The following FAM149B1 variants were observed in gnomAD, a reference collection of about 807,000 sequenced individuals.
The protein encoded by FAM149B1 is family with sequence similarity 149 member B1, also known as primary cilium assembly protein FAM149B1.
A neutral mutation model predicts 75.3 loss-of-function variants in FAM149B1; 56 were observed. The observed-to-expected ratio is 0.74, with a 90% CI of 0.60 to 0.93. The LOEUF is 0.93. Ranked by LOEUF, FAM149B1 falls within the 40% of genes least tolerant of loss-of-function variation. The pLI is 0.00. For missense variants in FAM149B1, 639 were observed against 708.4 expected (o/e 0.90, Z 1.11); for synonymous variants, 259 against 256.1 (o/e 1.01, Z -0.11).
Position 73,233,126 on chromosome 10 carries a change from C to T in FAM149B1, c.1315C>T (p.Pro439Ser), listed in dbSNP as rs2043748745. The T allele has an allele frequency of 5.8e-6, 9 of 1,551,692 alleles. No individual in the cohort carries two copies. Among genetic ancestry groups the T allele is most frequent in the Non-Finnish European group, 7.8e-6 (9 of 1,146,988 alleles). Residue 439 changes from proline (P) to serine (S), a missense_variant, in exon 10 of 14, where the codon CCA (proline) becomes TCA (serine). Coordinates refer to ENST00000242505, the MANE Select transcript of FAM149B1 (RefSeq NM_173348.2). ...ISTSHSCAET[P>S]RSVEEILRGA... ...CACGAGCCATTCATGTGCTGAAACA[C>T]CAAGATCTGTGGAAGAAATCCTCAG...
chr10:73,219,840 G>T (rs952039083), intron 7 of FAM149B1, among the ~76,000 whole-genome samples: 3 of 152,014 alleles, frequency 2.0e-5, no homozygotes, highest in Non-Finnish European at 4.4e-5. Flanking sequence ...CATGACCTTG[G>T]ATTTGACATT....
At chr10:73,195,688 T>C (rs2042788009) in intron 5 of FAM149B1, among the ~76,000 whole-genome samples, 1 of 152,212 alleles carries the variant, frequency 6.6e-6, no homozygotes, top group Non-Finnish European at 1.5e-5. Context: ...TGCAACATAC[T>C]GCTAATACCC....
Position 73,243,608 on chromosome 10 carries a change from AACT to A in FAM149B1, c.*2594_*2596del. 3 of 1,524,152 alleles carry A rather than the reference AACT, an allele frequency of 2.0e-6. No individual in the cohort carries two copies. The highest frequency in any genetic ancestry group is 2.4e-5 in the South Asian group (2 of 84,284). 94.4% of individuals were successfully genotyped at this position (1,524,152 alleles called of 1,614,324 possible). On this transcript the variant is annotated 3_prime_UTR_variant, in exon 14 of 14. Transcript: ENST00000242505. ...TTGCCAGGGGCTGGAAAAGTGGAAT[AACT>A]ACTAATGGGTATGGAGTTTTTTTGG... is the stretch of plus-strand genomic sequence containing the variant.
chr10:73,228,246 A>C, intron 8 of FAM149B1, 62 bp downstream of exon 8: 3 of 1,438,288 alleles, frequency 2.1e-6, no homozygotes, highest in Non-Finnish European at 1.9e-6. Flanking sequence ...AAATTTGCTC[A>C]GAGTTGTTTG....
chr10:73,193,436 G>A, intron 4 of FAM149B1, 41 bp from the exon 5 acceptor site: 1 of 1,532,434 alleles, frequency 6.5e-7, no homozygotes, highest in Non-Finnish European at 8.8e-7. Flanking sequence ...ATGTATGCCA[G>A]TGAAGGTACT....
intron 5 of FAM149B1, chr10:73,200,371 G>C: frequency 1.9e-6 from 1 of 531,338 alleles, no homozygotes. Context: ...CCCAAAAGGT[G>C]ATTCTGGCAC....
rs61290608 is a variant in FAM149B1, at chr10:73,174,684, C to T, written c.48-3C>T. On this transcript the variant is annotated splice_region_variant and splice_polypyrimidine_tract_variant and intron_variant, in intron 1 of 13. Transcript: ENST00000242505. ...AAATATAACTTTGTTTTGTCTTTCACAGGAAAGGAATAACAAAACATGCTC... is the reference window on the plus strand; with the variant it reads ...AAATATAACTTTGTTTTGTCTTTCATAGGAAAGGAATAACAAAACATGCTC... 0.095 allele frequency: 146,535 copies of T among 1,538,874 alleles called. 11,689 individuals are homozygous for T. The highest frequency in any genetic ancestry group is 0.34 in the African/African-American group (24,688 of 72,560).
intron 1 of FAM149B1, 88 bp from the exon 2 acceptor site, chr10:73,174,599 G>C: frequency 1.1e-6 from 1 of 919,798 alleles, no homozygotes; most frequent in South Asian, 1.6e-5. Context: ...CCAGAGCAGA[G>C]GAAGTAGGTG....
chr10:73,177,131 G>GA (rs1844002000), intron 2 of FAM149B1, among the ~76,000 whole-genome samples: 1 of 152,052 alleles, frequency 6.6e-6, no homozygotes. Flanking sequence ...TTGAACCCAG[G>GA]AGGCGGAGGT....
chr10:73,212,353 C>T (rs764330525), intron 7 of FAM149B1, among the ~76,000 whole-genome samples: 1 of 151,424 alleles, frequency 6.6e-6, no homozygotes, highest in Non-Finnish European at 1.5e-5. Flanking sequence ...TGATCTTGGC[C>T]CACTGCAACC....
chr10:73,229,212 T>G (rs989863105), intron 8 of FAM149B1, among the ~76,000 whole-genome samples: 1 of 152,164 alleles, frequency 6.6e-6, no homozygotes, highest in Non-Finnish European at 1.5e-5. Flanking sequence ...GTAGTCTCAG[T>G]TCCTACACAA....
At chr10:73,220,201 C>T (rs570292727) in intron 7 of FAM149B1, among the ~76,000 whole-genome samples, 105 of 152,064 alleles carry the variant, frequency 6.9e-4, no homozygotes, top group African/African-American at 2.5e-3. Flanking sequence ...GAGATACCAC[C>T]TCATGCCCAC....
chr10:73,188,346 G>A (rs1474193578), intron 3 of FAM149B1, among the ~76,000 whole-genome samples: 1 of 151,994 alleles, frequency 6.6e-6, no homozygotes, highest in Non-Finnish European at 1.5e-5. Flanking sequence ...AAATATAAGA[G>A]CAAAAACTAT....
intron 1 of FAM149B1, among the ~76,000 whole-genome samples, chr10:73,174,201 C>G (rs1275128787): frequency 6.6e-6 from 1 of 152,054 alleles, no homozygotes; most frequent in Non-Finnish European, 1.5e-5. Flanking sequence ...TGCTAGGGCT[C>G]TGGGTAAATG....
chr10:73,177,984 T>A lies in FAM149B1; in HGVS notation c.282+9T>A, dbSNP rs554930708. On this transcript the variant is annotated intron_variant, in intron 3 of 13. Transcript: ENST00000242505. ...TCTCCTGGGGATATGGTGTGAGTTA[T>A]ATGTTATCAGTCTGATAGAGTGCTT... The A allele has an allele frequency of 1.9e-6, 3 of 1,545,922 alleles. No homozygotes were observed. The highest frequency in any genetic ancestry group is 3.4e-4 in the Middle Eastern group (2 of 5,962).
rs2043955265 is a variant in FAM149B1 at position 73,241,706 on chromosome 10, G to A, written c.*687G>A. ...ATTTTCTTCCTAAAGTAGGTTACTGGTCATATCTTTTTTCCAAATATTAAA... is the reference window on the plus strand; with the variant it reads ...ATTTTCTTCCTAAAGTAGGTTACTGATCATATCTTTTTTCCAAATATTAAA... On this transcript the variant is annotated 3_prime_UTR_variant, in exon 14 of 14. Coordinates refer to ENST00000242505, the MANE Select transcript of FAM149B1 (RefSeq NM_173348.2). The A allele has an allele frequency of 2.0e-5, 3 of 152,154 alleles. No individual in the cohort carries two copies. The highest frequency in any genetic ancestry group is 4.8e-5 in the African/African-American group (2 of 41,430). 9.4% of individuals were successfully genotyped at this position (152,154 alleles called of 1,614,324 possible).
rs775465672 is a variant in FAM149B1 at position 73,233,048 on chromosome 10, G to A, written c.1237G>A (p.Val413Met). 83 of 1,551,510 alleles carry A rather than the reference G, an allele frequency of 5.3e-5. No individual in the cohort carries two copies. The highest frequency in any genetic ancestry group is 1.7e-4 in the Middle Eastern group (1 of 6,012). The part of the protein sequence containing the change: ...EFSTSSLSYT[V>M]QSTRRRNPPP... ...TAGTACATCATCTCTGTCATACACA[G>A]TGCAGTCCACCAGGAGACGCAATCC... The change falls in exon 10 of 14, where the codon GTG becomes ATG. Residue 413 changes from valine to methionine, a missense_variant. By Grantham distance (21) the Val-to-Met change is conservative (BLOSUM62 1). Coordinates refer to ENST00000242505, the MANE Select transcript of FAM149B1 (RefSeq NM_173348.2).
intron 5 of FAM149B1, among the ~76,000 whole-genome samples, chr10:73,204,904 A>G (rs1177338677): frequency 6.0e-5 from 8 of 133,634 alleles, no homozygotes; most frequent in Non-Finnish European, 1.2e-4. Flanking sequence ...CAGCCTCCCA[A>G]AGTGCTGGGA....
chr10:73,224,916 T>C (rs1298469819), intron 7 of FAM149B1, among the ~76,000 whole-genome samples: 1 of 152,226 alleles, frequency 6.6e-6, no homozygotes, highest in East Asian at 1.9e-4. Context: ...CAGTCCTGTG[T>C]GGCATAATGA....
Sources: gnomAD v4.1 joint callset for allele counts (sites outside exome capture counted in the v4.1 genomes callset) on GRCh38, gnomAD v4.1.1 for gene constraint, MANE v1.5 for transcripts, NCBI Gene and HGNC (gene_info 2026-07-23, HGNC 2026-07-21) for gene names.